FLI1: variants seen among roughly 807,000 people sequenced by gnomAD.
FLI1 encodes Friend leukemia integration 1 transcription factor.
In FLI1, 13 loss-of-function variants were observed where a neutral mutation model predicts 53.1. The observed-to-expected ratio is 0.24, with a 90% CI of 0.16 to 0.39. The LOEUF is 0.39. FLI1 is among the 10% of genes least tolerant of loss of function. The probability of loss-of-function intolerance (pLI) is 1.00; values close to 1 mark genes in which losing one functional copy is unlikely to be tolerated. For synonymous variants in FLI1, 244 were observed against 236.7 expected (o/e 1.03, Z -0.28); for missense variants, 424 against 600.5 (o/e 0.71, Z 3.07).
At chr11:128,690,479 G>A (rs1425164172), upstream of FLI1, among the ~76,000 whole-genome samples, 1 of 152,206 alleles carries the variant, frequency 6.6e-6, no homozygotes, top group African/African-American at 2.4e-5. Context: ...GAAGAAGCCC[G>A]GGAAGCCCGT....
upstream of FLI1, among the ~76,000 whole-genome samples, chr11:128,685,882 G>C (rs964570687): frequency 7.9e-5 from 12 of 152,128 alleles, no homozygotes; most frequent in South Asian, 2.1e-4. Context: ...AAGTCAGGGA[G>C]AGACCCACTC....
intron 1 of FLI1, among the ~76,000 whole-genome samples, chr11:128,713,183 G>A (rs2135721853): frequency 6.6e-6 from 1 of 152,260 alleles, no homozygotes; most frequent in East Asian, 1.9e-4. Flanking sequence ...TGGTCTTAGG[G>A]GTGATGAAGC....
intron 1 of FLI1, among the ~76,000 whole-genome samples, chr11:128,732,884 G>T (rs1939760037): frequency 6.6e-6 from 1 of 152,228 alleles, no homozygotes; most frequent in African/African-American, 2.4e-5. Flanking sequence ...GGCAGAGAAA[G>T]AGAGGAAAAA....
intron 5 of FLI1, among the ~76,000 whole-genome samples, chr11:128,800,761 AGGCTGAATTATCCACAAT>A (rs1942613360): frequency 6.6e-6 from 1 of 152,224 alleles, no homozygotes; most frequent in Non-Finnish European, 1.5e-5. Context: ...CATATATGTG[AGGCTGAATTATCCACAAT>A]GGCTGGCAAT....
At chr11:128,782,171 T>G in intron 5 of FLI1, 148 bp downstream of exon 5, 1 of 665,616 alleles carries the variant, frequency 1.5e-6, no homozygotes, top group Non-Finnish European at 2.7e-6. Flanking sequence ...TTTCGCCACT[T>G]GTGCTACCAG....
Position 128,747,144 on chromosome 11 carries a change from G to A in FLI1, c.19-10971G>A, listed in dbSNP as rs138052072. Among the ~76,000 whole-genome samples, 33 of 152,302 alleles carry A rather than the reference G, an allele frequency of 2.2e-4. No homozygotes were observed. The East Asian group carries it at 4.8e-3, about 22-fold the overall frequency. ...CACATCATGACAATCTGTAAGGCGCGGGCTGCAAGACAGCAGCCCATTGTC... is the reference window on the plus strand; with the variant it reads ...CACATCATGACAATCTGTAAGGCGCAGGCTGCAAGACAGCAGCCCATTGTC... On this transcript the variant is annotated intron_variant, in intron 1 of 8. Coordinates refer to ENST00000527786, the MANE Select transcript of FLI1 (RefSeq NM_002017.5).
intron 5 of FLI1, among the ~76,000 whole-genome samples, chr11:128,782,925 G>A (rs1056005336): frequency 2.0e-5 from 3 of 152,174 alleles, no homozygotes; most frequent in African/African-American, 4.8e-5. Context: ...ATAATTCATA[G>A]TACCTGGTTT....
intron 1 of FLI1, among the ~76,000 whole-genome samples, chr11:128,732,394 T>C (rs1939737064): frequency 6.6e-6 from 1 of 152,246 alleles, no homozygotes; most frequent in South Asian, 2.1e-4. Flanking sequence ...ATAAAAACTT[T>C]GAAAGTCTTT....
At chr11:128,735,274 T>A (rs1236176) in intron 1 of FLI1, among the ~76,000 whole-genome samples, 61,993 of 152,156 alleles carry the variant, frequency 0.41, 14,340 homozygotes, top group African/African-American at 0.6. Flanking sequence ...ATCATCTGCC[T>A]GTTCCATTAA....
At chr11:128,742,683 G>A (rs1010339960) in intron 1 of FLI1, among the ~76,000 whole-genome samples, 1 of 152,214 alleles carries the variant, frequency 6.6e-6, no homozygotes, top group African/African-American at 2.4e-5. Flanking sequence ...TTAGAACAGT[G>A]CCAGCGTCAC....
intron 1 of FLI1, among the ~76,000 whole-genome samples, chr11:128,738,965 A>C (rs570189358): frequency 6.6e-6 from 1 of 152,274 alleles, no homozygotes; most frequent in African/African-American, 2.4e-5. Context: ...AGCAGCAAAT[A>C]CTGCTTGGTT....
At chr11:128,724,137 G>A (rs1591755201) in intron 1 of FLI1, among the ~76,000 whole-genome samples, 1 of 152,106 alleles carries the variant, frequency 6.6e-6, no homozygotes, top group South Asian at 2.1e-4. Flanking sequence ...TAGAGATGGG[G>A]TTTCACCATG....
At chr11:128,796,392 A>G (rs532789519) in intron 5 of FLI1, among the ~76,000 whole-genome samples, 1 of 152,188 alleles carries the variant, frequency 6.6e-6, no homozygotes, top group African/African-American at 2.4e-5. Flanking sequence ...GTTTTTTGCT[A>G]TGAGTCATAA....
chr11:128,707,574 T>C (rs945937948), intron 1 of FLI1, among the ~76,000 whole-genome samples: 3 of 152,156 alleles, frequency 2.0e-5, no homozygotes, highest in Admixed American at 6.5e-5. Context: ...TCTAAGCCAT[T>C]CCTTTTGGAG....
intron 1 of FLI1, among the ~76,000 whole-genome samples, chr11:128,703,157 G>A (rs536279197): frequency 6.6e-6 from 1 of 152,336 alleles, no homozygotes; most frequent in South Asian, 2.1e-4. Flanking sequence ...GACCTAGGAG[G>A]ACAGCAGAGA....
intron 4 of FLI1, among the ~76,000 whole-genome samples, chr11:128,777,256 G>A (rs577285149): frequency 2.0e-5 from 3 of 152,292 alleles, no homozygotes; most frequent in Admixed American, 2.0e-4. Context: ...GAGGCCCCGG[G>A]GGAGGTGGGG....
chr11:128,761,277 T>C (rs916261315), intron 2 of FLI1, among the ~76,000 whole-genome samples: 5 of 152,126 alleles, frequency 3.3e-5, no homozygotes, highest in Non-Finnish European at 7.4e-5. Context: ...AGTTTTGGGT[T>C]TCTCTACCTG....
chr11:128,796,494 A>G (rs977203944), intron 5 of FLI1, among the ~76,000 whole-genome samples: 3 of 152,214 alleles, frequency 2.0e-5, no homozygotes, highest in African/African-American at 4.8e-5. Flanking sequence ...TGTCTGGTTT[A>G]GATAATGTCT....
At chr11:128,695,176 C>T (rs536353918) in intron 1 of FLI1, among the ~76,000 whole-genome samples, 41 of 152,354 alleles carry the variant, frequency 2.7e-4, no homozygotes, top group African/African-American at 9.1e-4. Context: ...CGCCGCCAAG[C>T]CTGGGTCTAG....
Sources: gnomAD v4.1 joint callset for allele counts (sites outside exome capture counted in the v4.1 genomes callset) on GRCh38, gnomAD v4.1.1 for gene constraint, MANE v1.5 for transcripts, NCBI Gene and HGNC (gene_info 2026-07-23, HGNC 2026-07-21) for gene names.